Variants in CAD observed in about 807,000 individuals in gnomAD.
CAD encodes multifunctional protein CAD.
CAD carries 81 observed loss-of-function variants against 237.2 expected under a neutral mutation model. The observed-to-expected ratio is 0.34, with a 90% CI of 0.29 to 0.41. CAD has a LOEUF of 0.41. Among genes scored for constraint, CAD ranks in the 10% least tolerant of loss-of-function variants. The probability of loss-of-function intolerance (pLI) is 1.00; values close to 1 mark genes in which losing one functional copy is unlikely to be tolerated. For synonymous variants in CAD, 1,196 were observed against 1,162.8 expected (o/e 1.03, Z -0.58); for missense variants, 2,181 against 2,951.7 (o/e 0.74, Z 6.05).
intron 6 of CAD, 110 bp from the exon 7 acceptor site, chr2:27,223,453 G>A: frequency 6.6e-6 from 6 of 915,170 alleles, no homozygotes; most frequent in South Asian, 1.7e-5. Context: ...AAAACAAAAA[G>A]GAAACAGGAG....
Position 27,223,444 on chromosome 2 carries a change from A to C in CAD, c.810-119A>C. ...AGACTCCGTCTCAAAAAAAAAAAAA[A>C]AACAAAAAGGAAACAGGAGTGAGGC... On this transcript the variant is annotated intron_variant, in intron 6 of 43. Coordinates refer to ENST00000264705, the MANE Select transcript of CAD (RefSeq NM_004341.5). 7.1e-6 allele frequency: 7 copies of C among 982,192 alleles called. No individual in the cohort carries two copies. In the South Asian group the frequency reaches 8.2e-5, roughly 11 times the overall value. The allele number at this position is 982,192 out of a possible 1,614,324, so 60.8% of individuals were successfully genotyped here. A position where few individuals can be genotyped will look rare whatever the true frequency, so the allele number is the denominator to read the frequency against.
At chr2:27,221,753 ATTTTTTTTTTTTT>A (rs57429918) in intron 3 of CAD, among the ~76,000 whole-genome samples, 5 of 103,514 alleles carry the variant, frequency 4.8e-5, no homozygotes, top group South Asian at 3.3e-4. Context: ...AAATTTCCCA[ATTTTTTTTTTTTT>A]TTTTTTTTTT....
At chr2:27,230,275 A>T (rs535281299) in intron 15 of CAD, among the ~76,000 whole-genome samples, 1 of 152,130 alleles carries the variant, frequency 6.6e-6, no homozygotes, top group Non-Finnish European at 1.5e-5. Flanking sequence ...GCCATGTGGC[A>T]ATGTGGGAAA....
In CAD at chr2:27,240,176, G is replaced by A. The variant is rs1434206002; in HGVS notation, c.5497-89G>A. On this transcript the variant is annotated intron_variant, in intron 34 of 43. Transcript: ENST00000264705. The surrounding 1 kb of genome is among the most constrained non-coding windows in gnomAD (Gnocchi z 4.6). ...GAATTGCTTGAACCCAGAAGGTCAC[G>A]CCACTGCACTCCAGCCTGAGCGACA... The A allele has an allele frequency of 3.9e-6, 4 of 1,021,604 alleles. No individual in the cohort carries two copies. Among genetic ancestry groups the A allele is most frequent in the East Asian group, 2.7e-5 (1 of 37,680 alleles). The allele number at this position is 1,021,604 out of a possible 1,614,324, so 63.3% of individuals were successfully genotyped here.
Position 27,241,454 on chromosome 2 carries a change from G to T in CAD, c.5883+58G>T. On this transcript the variant is annotated intron_variant, in intron 38 of 43. Coordinates refer to ENST00000264705, the MANE Select transcript of CAD (RefSeq NM_004341.5). The surrounding 1 kb of genome is among the most constrained non-coding windows in gnomAD (Gnocchi z 4.6). ...CATCGCCTGCCCTTGGGCCGCATCA[G>T]CGCAGGGCCGCGCAGTGGTCAGAGT... 4 of 1,506,490 alleles carry T rather than the reference G, an allele frequency of 2.7e-6. No individual in the cohort carries two copies. The South Asian group carries it at 4.5e-5, about 17-fold the overall frequency. The allele number at this position is 1,506,490 out of a possible 1,614,324, so 93.3% of individuals were successfully genotyped here.
At position 27,233,268 on chromosome 2, in the gene CAD, G is replaced by C. The variant is rs770798915; in HGVS notation, c.2992-44G>C. ...AGTGAGCAGGAAGGCTCAGATTCCT[G>C]CCCTCTTTTGCTGCCACCACTTGTT... On this transcript the variant is annotated intron_variant, in intron 19 of 43. Transcript: ENST00000264705. This position sits in a 1 kb window ranked among gnomAD's most constrained non-coding sequence, Gnocchi z 6.3. The C allele has an allele frequency of 2.5e-6, 4 of 1,570,570 alleles. No individual in the cohort carries two copies. The highest frequency in any genetic ancestry group is 2.6e-6 in the Non-Finnish European group (3 of 1,141,024).
At position 27,222,316 on chromosome 2, in the gene CAD, G is replaced by A. The variant is rs771465104; in HGVS notation, c.475G>A (p.Val159Ile). ...PFLDPNARPL[V>I]PEVSIKTPRV... ...CTTGGACCCCAATGCCCGCCCCCTG[G>A]TACCAGAGGTCTCCATTAAGGTACA... Residue 159 changes from valine to isoleucine, a missense_variant, in exon 4 of 44, where the codon GTA becomes ATA. By Grantham distance (29) the Val-to-Ile change is conservative (BLOSUM62 3). Transcript: ENST00000264705. The A allele has an allele frequency of 6.2e-7, 1 of 1,612,484 alleles. No individual in the cohort carries two copies. Among genetic ancestry groups the A allele is most frequent in the Non-Finnish European group, 8.5e-7 (1 of 1,178,732 alleles).
At position 27,222,045 on chromosome 2, in the gene CAD, A is replaced by G. The variant is rs567689773; in HGVS notation, c.353-149A>G. 124 of 691,710 alleles carry G rather than the reference A, an allele frequency of 1.8e-4. 1 individual carries two copies. In the African/African-American group the frequency reaches 1.9e-3, roughly 11 times the overall value. 42.8% of individuals were successfully genotyped at this position (691,710 alleles called of 1,614,324 possible). ...TTTGGCAGGAATACTTCATGGTAGT[A>G]TACTTCTGTCACAATGGCCCAGGAT... On this transcript the variant is annotated intron_variant, in intron 3 of 43. Transcript: ENST00000264705.
chr2:27,226,542 G>A lies in CAD; in HGVS notation c.2049G>A (p.Val683=). ...PESEQYYIIE[V]NARLSRSSAL... is the part of the protein sequence containing the mutation. ...CTTTGCAGTATTACATCATTGAAGT[G>A]AATGCCAGGCTCTCTCGCAGCTCTG... Residue 683 remains valine (V), a synonymous_variant, in exon 14 of 44, where the codon GTG becomes GTA. Transcript: ENST00000264705. The A allele has an allele frequency of 1.9e-6, 3 of 1,614,174 alleles. No homozygotes were observed. Among genetic ancestry groups the A allele is most frequent in the Non-Finnish European group, 2.5e-6 (3 of 1,180,028 alleles).
intron 2 of CAD, 123 bp downstream of exon 2, chr2:27,218,139 A>G (rs1358707825): frequency 1.2e-6 from 1 of 811,244 alleles, no homozygotes; most frequent in Non-Finnish European, 1.9e-6. Context: ...CTGAAGTAGT[A>G]AAGTCAAGGA....
chr2:27,230,991 T>TC (rs1675723314), intron 15 of CAD, among the ~76,000 whole-genome samples: 1 of 152,198 alleles, frequency 6.6e-6, no homozygotes, highest in African/African-American at 2.4e-5. Context: ...AGTTAAGATT[T>TC]CTTTTTGTTT....
Position 27,233,210 on chromosome 2 carries a change from A to G in CAD, c.2991+70A>G, listed in dbSNP as rs1375988833. On this transcript the variant is annotated intron_variant, in intron 19 of 43. Transcript: ENST00000264705. This position sits in a 1 kb window ranked among gnomAD's most constrained non-coding sequence, Gnocchi z 6.3. ...GAGTAGAACAGCTGGCTGACCTAAG[A>G]TTCTTTGAAACTTGGTGGCGGCTGA... 2.6e-6 allele frequency: 4 copies of G among 1,512,850 alleles called. No individual in the cohort carries two copies. The African/African-American group carries it at 4.1e-5, about 16-fold the overall frequency. 93.7% of individuals were successfully genotyped at this position (1,512,850 alleles called of 1,614,324 possible). A position where few individuals can be genotyped will look rare whatever the true frequency, so the allele number is the denominator to read the frequency against.
At position 27,218,025 on chromosome 2, in the gene CAD, A is replaced by G; in HGVS notation, c.222+9A>G. 1 of 1,585,122 alleles carries G rather than the reference A, an allele frequency of 6.3e-7. No individual in the cohort carries two copies. The highest frequency in any genetic ancestry group is 2.3e-5 in the East Asian group (1 of 43,696). Reference sequence around the variant, plus strand: ...AGTTCGGTCTCTGCAAGGTAGCCACACCCAGTGCTTTCTCTACATTCCTTT... The same window carrying G: ...AGTTCGGTCTCTGCAAGGTAGCCACGCCCAGTGCTTTCTCTACATTCCTTT... On this transcript the variant is annotated intron_variant, in intron 2 of 43. Transcript: ENST00000264705.
In CAD at chr2:27,226,825, A is replaced by C; in HGVS notation, c.2157-7A>C. 1 of 1,613,914 alleles carries C rather than the reference A, an allele frequency of 6.2e-7. No individual in the cohort carries two copies. The highest frequency in any genetic ancestry group is 1.1e-5 in the South Asian group (1 of 91,074). ...GTCCTTCTGGCATCCCACCTGCTGG[A>C]CCCCAGGAACTCTGTGACAGGGGGT... is the stretch of plus-strand genomic sequence containing the variant. On this transcript the variant is annotated splice_region_variant and splice_polypyrimidine_tract_variant and intron_variant, in intron 14 of 43. Coordinates refer to ENST00000264705, the MANE Select transcript of CAD (RefSeq NM_004341.5).
rs1321196471 is a variant in CAD at position 27,243,853 on chromosome 2, C to G, written c.*335C>G. On this transcript the variant is annotated 3_prime_UTR_variant, in exon 44 of 44. Transcript: ENST00000264705. ...GCAGATTCCCAAATTATAAGAGCAGCCTCACCAGGCAGGGCTCTGGCTAGG... is the reference window on the plus strand; with the variant it reads ...GCAGATTCCCAAATTATAAGAGCAGGCTCACCAGGCAGGGCTCTGGCTAGG... The G allele has an allele frequency of 3.7e-6, 1 of 270,412 alleles. No individual in the cohort carries two copies. The highest frequency in any genetic ancestry group is 2.2e-5 in the African/African-American group (1 of 45,298). 16.8% of individuals were successfully genotyped at this position (270,412 alleles called of 1,614,324 possible).
At position 27,236,831 on chromosome 2, in the gene CAD, G is replaced by T; in HGVS notation, c.4396+1G>T. On this transcript the variant is annotated splice_donor_variant, in intron 27 of 43. Coordinates refer to ENST00000264705, the MANE Select transcript of CAD (RefSeq NM_004341.5). LOFTEE classifies it high-confidence loss of function. This position sits in a 1 kb window ranked among gnomAD's most constrained non-coding sequence, Gnocchi z 4.1. ...TCCCAAAAGCTTGTGCGACTGCCGG[G>T]TAAGTCTTTGGGGAGAACTTGGCTT... The T allele has an allele frequency of 6.2e-7, 1 of 1,613,862 alleles. No homozygotes were observed. Among genetic ancestry groups the T allele is most frequent in the Admixed American group, 1.7e-5 (1 of 60,006 alleles).
At chr2:27,230,670 G>T (rs1040136780) in intron 15 of CAD, among the ~76,000 whole-genome samples, 2 of 152,014 alleles carry the variant, frequency 1.3e-5, no homozygotes, top group African/African-American at 4.8e-5. Context: ...TCCAGAAAGA[G>T]AAACTCTAAA....
chr2:27,237,519 G>T lies in CAD; in HGVS notation c.4537G>T (p.Ala1513Ser), dbSNP rs553621458. The T allele has an allele frequency of 6.2e-7, 1 of 1,613,666 alleles. No homozygotes were observed. Residue 1513 changes from alanine (A) to serine (S), a missense_variant, in exon 28 of 44, where the codon GCC (alanine) becomes TCC (serine). Around this residue, in one of 12 missense-constraint regions of CAD, gnomAD observed 478 missense variants for 515.0 expected, o/e 0.93. Transcript: ENST00000264705. The surrounding 1 kb of genome is among the most constrained non-coding windows in gnomAD (Gnocchi z 4.0). ...MPNTRPPIID[A>S]PALALAQKLA... The stretch of plus-strand genomic sequence containing the variant: ...TAATACCCGGCCCCCCATCATTGAC[G>T]CCCCTGCTCTGGCCCTGGCCCAGAA...
At position 27,239,968 on chromosome 2, in the gene CAD, TG is replaced by T; in HGVS notation, c.5496+172del. On this transcript the variant is annotated intron_variant, in intron 34 of 43. Transcript: ENST00000264705. This position sits in a 1 kb window ranked among gnomAD's most constrained non-coding sequence, Gnocchi z 4.0. The stretch of plus-strand genomic sequence containing the variant: ...TTAAAATGCTGGGCCAGGCCAGATG[TG>T]GTGGCTCACACTTGTAATCCCAGCA... The T allele has an allele frequency of 1.7e-6, 1 of 601,728 alleles. No individual in the cohort carries two copies. The highest frequency in any genetic ancestry group is 1.9e-5 in the African/African-American group (1 of 53,756). 37.3% of individuals were successfully genotyped at this position (601,728 alleles called of 1,614,324 possible).
Sources: allele counts gnomAD v4.1 joint callset (sites outside exome capture counted in the v4.1 genomes callset), GRCh38; gene constraint gnomAD v4.1.1; regional missense constraint gnomAD v4.1.1; non-coding constraint Gnocchi (gnomAD v3.1); transcripts MANE v1.5; gene names NCBI Gene and HGNC (gene_info 2026-07-23, HGNC 2026-07-21).